Variants in FHOD3 observed in about 807,000 individuals in gnomAD.
FHOD3 encodes the protein FH1/FH2 domain-containing protein 3.
FHOD3 carries 90 observed loss-of-function variants against 173.0 expected under a neutral mutation model. The observed-to-expected ratio is 0.52, with a 90% CI of 0.44 to 0.62. FHOD3 has a LOEUF of 0.62. FHOD3 is among the 20% of genes least tolerant of loss of function. FHOD3 has a pLI of 0.00. For missense variants in FHOD3, 1,945 were observed against 2,034.7 expected (o/e 0.96, Z 0.85); for synonymous variants, 828 against 823.0 (o/e 1.01, Z -0.10).
intron 3 of FHOD3, among the ~76,000 whole-genome samples, chr18:36,388,569 G>T (rs922494783): frequency 6.6e-6 from 1 of 152,108 alleles, no homozygotes; most frequent in African/African-American, 2.4e-5. Context: ...TTTCCTCTCG[G>T]CAGAGCCTGG....
At chr18:36,302,475 A>G (rs988505472) in intron 1 of FHOD3, among the ~76,000 whole-genome samples, 3 of 152,140 alleles carry the variant, frequency 2.0e-5, no homozygotes, top group South Asian at 2.1e-4. Flanking sequence ...TCTGAACAGC[A>G]TGGATTACAG....
At chr18:36,577,174 A>G (rs1271001455) in intron 6 of FHOD3, among the ~76,000 whole-genome samples, 2 of 152,166 alleles carry the variant, frequency 1.3e-5, no homozygotes, top group East Asian at 1.9e-4. Flanking sequence ...ATATATTTAT[A>G]TGTTGTACAT....
chr18:36,450,093 C>G (rs2051736517), intron 3 of FHOD3, among the ~76,000 whole-genome samples: 1 of 152,104 alleles, frequency 6.6e-6, no homozygotes, highest in Admixed American at 6.5e-5. Flanking sequence ...TCCCTGAGTC[C>G]CCAAAGTCCA....
chr18:36,660,585 A>G (rs1025105146), intron 14 of FHOD3, among the ~76,000 whole-genome samples: 1 of 152,218 alleles, frequency 6.6e-6, no homozygotes, highest in Non-Finnish European at 1.5e-5. Context: ...GAGGAGACGC[A>G]AAATGAGTAG....
chr18:36,583,310 C>T (rs572790424), intron 6 of FHOD3, among the ~76,000 whole-genome samples: 18 of 152,278 alleles, frequency 1.2e-4, no homozygotes, highest in Admixed American at 1.0e-3. Context: ...CACGCCTGCA[C>T]CATCCTTGGG....
chr18:36,315,298 T>C (rs951437382), intron 1 of FHOD3, among the ~76,000 whole-genome samples: 1 of 152,208 alleles, frequency 6.6e-6, no homozygotes, highest in Admixed American at 6.5e-5. Context: ...TACATGGAGA[T>C]GTTTAGGGCA....
At chr18:36,737,397 G>A (rs1281328238) in intron 20 of FHOD3, among the ~76,000 whole-genome samples, 1 of 152,198 alleles carries the variant, frequency 6.6e-6, no homozygotes, top group Non-Finnish European at 1.5e-5. Flanking sequence ...GACTAATTGA[G>A]TTTAAATCAT....
At chr18:36,345,710 G>A (rs1345788993) in intron 1 of FHOD3, among the ~76,000 whole-genome samples, 1 of 151,906 alleles carries the variant, frequency 6.6e-6, no homozygotes, top group African/African-American at 2.4e-5. Flanking sequence ...TTAGAGGTTA[G>A]GAAAAAACAT....
At chr18:36,377,831 A>G (rs1568192281) in intron 3 of FHOD3, among the ~76,000 whole-genome samples, 1 of 152,042 alleles carries the variant, frequency 6.6e-6, no homozygotes, top group Non-Finnish European at 1.5e-5. Flanking sequence ...TTCCCCTCTT[A>G]GCCCACCTGC....
intron 28 of FHOD3, chr18:36,777,936 A>G (rs938063234): frequency 2.6e-5 from 4 of 152,160 alleles, no homozygotes; most frequent in African/African-American, 9.7e-5. Context: ...AAAAACCCAT[A>G]CTTGATGTCT....
At chr18:36,477,467 A>G (rs549850901) in intron 3 of FHOD3, among the ~76,000 whole-genome samples, 31 of 151,888 alleles carry the variant, frequency 2.0e-4, no homozygotes, top group African/African-American at 6.0e-4. Flanking sequence ...GTGTGTGTGT[A>G]TATAAATCCA....
chr18:36,570,092 G>GA (rs1217022918), intron 5 of FHOD3, among the ~76,000 whole-genome samples: 7 of 151,904 alleles, frequency 4.6e-5, no homozygotes, highest in African/African-American at 1.2e-4. Flanking sequence ...AAAAAATAGA[G>GA]AAAATCAATG....
At chr18:36,616,366 G>A (rs2033200746) in intron 9 of FHOD3, among the ~76,000 whole-genome samples, 1 of 152,132 alleles carries the variant, frequency 6.6e-6, no homozygotes, top group Non-Finnish European at 1.5e-5. Context: ...TGAACAAACT[G>A]GGAGAGAGTA....
intron 3 of FHOD3, among the ~76,000 whole-genome samples, chr18:36,432,884 C>A (rs2050626558): frequency 6.6e-6 from 1 of 152,124 alleles, no homozygotes; most frequent in South Asian, 2.1e-4. Context: ...AAATGTAAAG[C>A]CATATCTTTC....
intron 20 of FHOD3, among the ~76,000 whole-genome samples, 197 bp downstream of exon 20, chr18:36,731,001 T>G (rs2041329665): frequency 1.3e-5 from 2 of 152,190 alleles, no homozygotes; most frequent in Admixed American, 1.3e-4. Context: ...TCAGCAATCT[T>G]CACTCAGGTT....
intron 2 of FHOD3, among the ~76,000 whole-genome samples, chr18:36,361,927 T>A (rs537066958): frequency 6.6e-6 from 1 of 152,132 alleles, no homozygotes; most frequent in South Asian, 2.1e-4. Context: ...TGAGAACCAC[T>A]GCGTGAGAAA....
intron 1 of FHOD3, among the ~76,000 whole-genome samples, chr18:36,351,312 G>A (rs2046114965): frequency 6.6e-6 from 1 of 152,162 alleles, no homozygotes; most frequent in Admixed American, 6.5e-5. Context: ...TTAGGGATCC[G>A]GGTTGTGACA....
At chr18:36,412,104 C>A (rs760026122) in intron 3 of FHOD3, among the ~76,000 whole-genome samples, 1 of 152,216 alleles carries the variant, frequency 6.6e-6, no homozygotes, top group Admixed American at 6.5e-5. Flanking sequence ...CCCCATCCCA[C>A]GCAGGCAGGA....
intron 3 of FHOD3, among the ~76,000 whole-genome samples, chr18:36,467,175 G>A (rs1219262810): frequency 6.6e-6 from 1 of 152,090 alleles, no homozygotes; most frequent in Non-Finnish European, 1.5e-5. Context: ...GGTAAGAGCC[G>A]AGCACACCAC....
Sources: allele counts gnomAD v4.1 joint callset (sites outside exome capture counted in the v4.1 genomes callset), GRCh38; gene constraint gnomAD v4.1.1; transcripts MANE v1.5; gene names NCBI Gene and HGNC (gene_info 2026-07-23, HGNC 2026-07-21).